Variants in MRPL44 observed in about 807,000 individuals in gnomAD.
The protein encoded by MRPL44 is mitochondrial ribosomal protein L44.
A neutral mutation model predicts 25.9 loss-of-function variants in MRPL44; 21 were observed. The ratio of observed to expected loss-of-function variants is 0.81; its 90% confidence interval spans 0.58 to 1.17. The LOEUF is 1.17. Among genes scored for constraint, MRPL44 ranks in the 50% most tolerant of loss-of-function variants. MRPL44 has a pLI of 0.00. For synonymous variants in MRPL44, 169 were observed against 151.0 expected (o/e 1.12, Z -0.87); for missense variants, 410 against 398.9 (o/e 1.03, Z -0.24).
chr2:223,951,482 T>TG, the MRPL44 span, among the ~76,000 whole-genome samples: 11 of 137,068 alleles, frequency 8.0e-5, no homozygotes, highest in East Asian at 1.4e-3. Flanking sequence ...CTTGGAGTTT[T>TG]TTTTTTTTTT....
At chr2:223,964,464 A>C (rs1689713048) in intron 3 of MRPL44, among the ~76,000 whole-genome samples, 1 of 152,246 alleles carries the variant, frequency 6.6e-6, no homozygotes, top group African/African-American at 2.4e-5. Flanking sequence ...TGAATATTTA[A>C]GATAGCTAGA....
intron 3 of MRPL44, among the ~76,000 whole-genome samples, chr2:223,964,709 G>A (rs1273469419): frequency 6.6e-6 from 1 of 152,092 alleles, no homozygotes; most frequent in Non-Finnish European, 1.5e-5. Context: ...CCATATTTCT[G>A]TGAATAATTT....
In MRPL44 at chr2:223,967,229, C is replaced by A; in HGVS notation, c.*195C>A. 1 of 573,750 alleles carries A rather than the reference C, an allele frequency of 1.7e-6. No individual in the cohort carries two copies. Among genetic ancestry groups the A allele is most frequent in the Non-Finnish European group, 2.9e-6 (1 of 346,632 alleles). 35.5% of individuals were successfully genotyped at this position (573,750 alleles called of 1,614,324 possible). A position where few individuals can be genotyped will look rare whatever the true frequency, so the allele number is the denominator to read the frequency against. On this transcript the variant is annotated 3_prime_UTR_variant, in exon 4 of 4. Coordinates refer to ENST00000258383, the MANE Select transcript of MRPL44 (RefSeq NM_022915.5). ...TGTTTTTCTGAAATCTTGGTTTGATCAAATCTTTTTTTTTTTCTCTTGAGA... is the reference window on the plus strand; with the variant it reads ...TGTTTTTCTGAAATCTTGGTTTGATAAAATCTTTTTTTTTTTCTCTTGAGA...
chr2:223,959,859 G>A lies in MRPL44; in HGVS notation c.505G>A (p.Val169Met), dbSNP rs754983787. Residue 169 changes from valine to methionine, a missense_variant, in exon 2 of 4, where the codon GTG (valine) becomes ATG (methionine). Transcript: ENST00000258383. ...CACTGGTGAGGAAGTCGTGTGTCAC[G>A]TGGCTAGAAACTTGGCTGTGGAGCA... ...FLTGEEVVCH[V>M]ARNLAVEQLT... The A allele has an allele frequency of 3.1e-6, 5 of 1,614,154 alleles. No individual in the cohort carries two copies. The highest frequency in any genetic ancestry group is 1.6e-4 in the Middle Eastern group (1 of 6,062).
At chr2:223,954,718 C>G (rs1559182226), upstream of MRPL44, among the ~76,000 whole-genome samples, 1 of 152,210 alleles carries the variant, frequency 6.6e-6, no homozygotes, top group Non-Finnish European at 1.5e-5. Context: ...AAAATGGAAG[C>G]TATGATGTAT....
At chr2:223,954,506 T>C (rs1341484798), upstream of MRPL44, among the ~76,000 whole-genome samples, 6 of 152,220 alleles carry the variant, frequency 3.9e-5, no homozygotes, top group Admixed American at 3.9e-4. Context: ...GTCAAAGCGC[T>C]GGCCAGTAGG....
At chr2:223,957,145 G>A (rs558444507), upstream of MRPL44, among the ~76,000 whole-genome samples, 1 of 152,318 alleles carries the variant, frequency 6.6e-6, no homozygotes, top group Non-Finnish European at 1.5e-5. Context: ...TGTTTGTTTT[G>A]CTGTAACGAG....
chr2:223,953,605 A>G (rs1317925859), upstream of MRPL44, among the ~76,000 whole-genome samples: 6 of 152,240 alleles, frequency 3.9e-5, no homozygotes, highest in East Asian at 5.8e-4. Flanking sequence ...AGAAGTCTAC[A>G]GTGATTTATT....
At chr2:223,956,135 T>G (rs1021785116), upstream of MRPL44, among the ~76,000 whole-genome samples, 2 of 152,250 alleles carry the variant, frequency 1.3e-5, no homozygotes, top group African/African-American at 4.8e-5. Context: ...ATTGGATTGA[T>G]GTTCCATGAA....
rs1689750581 is a variant in MRPL44 at position 223,966,939 on chromosome 2, A to G, written c.904A>G (p.Arg302Gly). ...AGAAGAGGCTGCTCGAGTGGCCCTT[A>G]GAAAACTTTATGGATTCACAGAAAA... is the stretch of plus-strand genomic sequence containing the variant. ...AEEEAARVAL[R>G]KLYGFTENRR... is the part of the protein sequence containing the mutation. The change falls in exon 4 of 4, where the codon AGA becomes GGA. Residue 302 changes from arginine to glycine, a missense_variant. By Grantham distance (125) the Arg-to-Gly change is moderately radical. Coordinates refer to ENST00000258383, the MANE Select transcript of MRPL44 (RefSeq NM_022915.5). 1.2e-6 allele frequency: 2 copies of G among 1,614,116 alleles called. No individual in the cohort carries two copies. Among genetic ancestry groups the G allele is most frequent in the Non-Finnish European group, 1.7e-6 (2 of 1,180,044 alleles).
At chr2:223,956,839 A>C (rs1689570991), upstream of MRPL44, among the ~76,000 whole-genome samples, 1 of 136,866 alleles carries the variant, frequency 7.3e-6, no homozygotes, top group Admixed American at 7.2e-5. Flanking sequence ...TAACATAAAG[A>C]AGGAAGAAAC....
chr2:223,957,330 C>T (rs561330088), upstream of MRPL44: 1 of 1,039,878 alleles, frequency 9.6e-7, no homozygotes, highest in Non-Finnish European at 1.4e-6. Context: ...CCGCCCCTGC[C>T]CTCTCTCAGT....
the MRPL44 span, among the ~76,000 whole-genome samples, chr2:223,951,166 G>A: frequency 2.0e-5 from 3 of 152,218 alleles, no homozygotes; most frequent in Non-Finnish European, 2.9e-5. Context: ...TGCAGATCAA[G>A]CAAATGAAAT....
chr2:223,959,848 T>C lies in MRPL44; in HGVS notation c.494T>C (p.Val165Ala), dbSNP rs1472392016. The change falls in exon 2 of 4, where the codon GTC (valine) becomes GCC (alanine). Residue 165 changes from valine to alanine, a missense_variant. Physicochemically the swap from Val to Ala is moderately conservative, Grantham distance 64. Transcript: ENST00000258383. Reference protein sequence around the residue: ...NLVDFLTGEEVVCHVARNLAV... With the variant: ...NLVDFLTGEEAVCHVARNLAV... ...GTTGACTTTCTCACTGGTGAGGAAG[T>C]CGTGTGTCACGTGGCTAGAAACTTG... 1 of 1,614,182 alleles carries C rather than the reference T, an allele frequency of 6.2e-7. No homozygotes were observed. Among genetic ancestry groups the C allele is most frequent in the Non-Finnish European group, 8.5e-7 (1 of 1,180,024 alleles).
chr2:223,951,636 G>A, the MRPL44 span, among the ~76,000 whole-genome samples: 4,248 of 152,012 alleles, frequency 0.028, 213 homozygotes, highest in African/African-American at 0.097. Flanking sequence ...ATGCCAGAAC[G>A]CCAGGCTAAT....
chr2:223,951,627 T>G, the MRPL44 span, among the ~76,000 whole-genome samples: 1 of 152,006 alleles, frequency 6.6e-6, no homozygotes, highest in Non-Finnish European at 1.5e-5. Flanking sequence ...TACAGGTACA[T>G]GCCAGAACGC....
chr2:223,965,167 T>A (rs1401689250), intron 3 of MRPL44, among the ~76,000 whole-genome samples: 2 of 152,214 alleles, frequency 1.3e-5, no homozygotes, highest in African/African-American at 4.8e-5. Flanking sequence ...ACCAGCAACA[T>A]TAGACTAAAA....
chr2:223,963,311 T>C (rs1463943828), intron 2 of MRPL44, among the ~76,000 whole-genome samples: 1 of 152,098 alleles, frequency 6.6e-6, no homozygotes, highest in Admixed American at 6.6e-5. Context: ...AGTATGGTGG[T>C]GTGCACCTGT....
Position 223,967,074 on chromosome 2 carries a change from T to A in MRPL44, c.*40T>A. The A allele has an allele frequency of 6.5e-7, 1 of 1,538,124 alleles. No individual in the cohort carries two copies. Among genetic ancestry groups the A allele is most frequent in the Admixed American group, 2.0e-5 (1 of 50,662 alleles). On this transcript the variant is annotated 3_prime_UTR_variant, in exon 4 of 4. Transcript: ENST00000258383. ...GCAGCCTGAAACTTGAGAGCGAAAG[T>A]GAGATAAATGTCAAAGGTGTTTCAA...
Sources: gnomAD v4.1 joint callset for allele counts (sites outside exome capture counted in the v4.1 genomes callset) on GRCh38, gnomAD v4.1.1 for gene constraint, MANE v1.5 for transcripts, NCBI Gene and HGNC (gene_info 2026-07-23, HGNC 2026-07-21) for gene names.